Variants in BLTP2 observed in about 807,000 individuals in gnomAD.
BLTP2 encodes the protein bridge-like lipid transfer protein family member 2, also known as U937-associated antigen.
chr17:28,642,957 T>C, the BLTP2 span: 2 of 1,607,010 alleles, frequency 1.2e-6, no homozygotes, highest in Non-Finnish European at 1.7e-6. Flanking sequence ...AGAACCATGA[T>C]GTTTATAGCA....
the BLTP2 span, chr17:28,638,418 G>A: frequency 6.8e-6 from 11 of 1,612,752 alleles, no homozygotes; most frequent in Admixed American, 1.7e-5. Flanking sequence ...CTGGTAATCT[G>A]AACAAAGGTG....
chr17:28,618,821 T>C, the BLTP2 span: 51 of 1,614,186 alleles, frequency 3.2e-5, 1 homozygote, highest in East Asian at 6.7e-5. Context: ...GCAGTTCTAA[T>C]TCAGCAATTC....
the BLTP2 span, chr17:28,621,024 T>C: frequency 6.2e-7 from 1 of 1,614,214 alleles, no homozygotes; most frequent in South Asian, 1.1e-5. Flanking sequence ...TTTTCCTGGT[T>C]CTCAAGAACT....
At chr17:28,616,206 G>A in the BLTP2 span, 1 of 1,612,704 alleles carries the variant, frequency 6.2e-7, no homozygotes, top group African/African-American at 1.3e-5. This position sits in a 1 kb window ranked among gnomAD's most constrained non-coding sequence, Gnocchi z 4.8. Flanking sequence ...TGCTAAGAAA[G>A]GCAGGCAAGG....
At chr17:28,620,956 C>T in the BLTP2 span, 2 of 1,589,706 alleles carry the variant, frequency 1.3e-6, no homozygotes, top group African/African-American at 1.3e-5. Flanking sequence ...TTTCTCTAGT[C>T]CCTTCCTAAA....
the BLTP2 span, chr17:28,614,815 C>T: frequency 2.4e-5 from 9 of 371,128 alleles, no homozygotes; most frequent in Non-Finnish European, 3.9e-5. Flanking sequence ...TAGGGTCCTG[C>T]CCTGGGCCCA....
the BLTP2 span, chr17:28,615,848 TCAGCTGC>T: frequency 1.9e-6 from 3 of 1,598,786 alleles, no homozygotes; most frequent in Non-Finnish European, 2.6e-6. Flanking sequence ...GGGGAATACA[TCAGCTGC>T]CATTTTGAGT....
At chr17:28,640,612 T>C in the BLTP2 span, 1 of 1,613,994 alleles carries the variant, frequency 6.2e-7, no homozygotes, top group African/African-American at 1.3e-5. Context: ...ATCTTAACCT[T>C]GACCTGGTCT....
At chr17:28,638,047 G>T in the BLTP2 span, 1 of 1,614,230 alleles carries the variant, frequency 6.2e-7, no homozygotes, top group South Asian at 1.1e-5. Flanking sequence ...CAAGAAAAAG[G>T]GTATCTGACT....
chr17:28,623,531 C>T, the BLTP2 span, among the ~76,000 whole-genome samples: 2 of 151,402 alleles, frequency 1.3e-5, no homozygotes, highest in East Asian at 1.9e-4. Context: ...CCATTTTATA[C>T]GAGTTCTGAG....
chr17:28,621,017 T>G, the BLTP2 span: 2 of 1,614,222 alleles, frequency 1.2e-6, no homozygotes, highest in Admixed American at 3.3e-5. Flanking sequence ...ATCTTCCTTT[T>G]CCTGGTTCTC....
chr17:28,623,772 C>G, the BLTP2 span: 3 of 1,614,044 alleles, frequency 1.9e-6, no homozygotes, highest in Non-Finnish European at 1.7e-6. Flanking sequence ...CTAACCAGAG[C>G]TGTCGGCCAT....
the BLTP2 span, chr17:28,631,851 G>A: frequency 6.2e-7 from 1 of 1,614,144 alleles, no homozygotes; most frequent in Non-Finnish European, 8.5e-7. Flanking sequence ...TCCCCCGAGT[G>A]AAGACATGGC....
chr17:28,628,052 T>C, the BLTP2 span, among the ~76,000 whole-genome samples: 9 of 152,348 alleles, frequency 5.9e-5, no homozygotes, highest in South Asian at 1.9e-3. Flanking sequence ...ACTCCCCTTC[T>C]GATTCTCTTC....
chr17:28,615,702 C>A, the BLTP2 span: 1 of 1,614,206 alleles, frequency 6.2e-7, no homozygotes, highest in South Asian at 1.1e-5. Flanking sequence ...CTTTTGACAG[C>A]CATGGCAAAG....
chr17:28,618,871 G>C, the BLTP2 span: 1 of 1,614,176 alleles, frequency 6.2e-7, no homozygotes, highest in Non-Finnish European at 8.5e-7. Flanking sequence ...CACCGTGCCT[G>C]AGCAAAGTAA....
chr17:28,641,932 C>T, the BLTP2 span: 1 of 1,613,990 alleles, frequency 6.2e-7, no homozygotes, highest in African/African-American at 1.3e-5. Context: ...GGCCCTGGCA[C>T]AGCAGTTGGC....
chr17:28,637,909 T>G, the BLTP2 span: 4 of 1,614,176 alleles, frequency 2.5e-6, no homozygotes, highest in Non-Finnish European at 3.4e-6. Flanking sequence ...ATGACACAGA[T>G]TCCCCAAATG....
At chr17:28,642,910 C>T in the BLTP2 span, 1 of 1,610,550 alleles carries the variant, frequency 6.2e-7, no homozygotes, top group East Asian at 2.2e-5. Flanking sequence ...TTCTACTGAT[C>T]TGAATATGCC....
Sources: allele counts gnomAD v4.1 joint callset (sites outside exome capture counted in the v4.1 genomes callset), GRCh38; gene constraint gnomAD v4.1.1; non-coding constraint Gnocchi (gnomAD v3.1); transcripts MANE v1.5; gene names NCBI Gene and HGNC (gene_info 2026-07-23, HGNC 2026-07-21).